CEMIP: variants seen among roughly 807,000 people sequenced by gnomAD.
CEMIP encodes cell migration-inducing and hyaluronan-binding protein.
In CEMIP, 105 loss-of-function variants were observed where a neutral mutation model predicts 156.9. The ratio of observed to expected loss-of-function variants is 0.67; its 90% CI spans 0.57 to 0.79. The LOEUF is 0.79. CEMIP is among the 30% of genes least tolerant of loss of function. The pLI is 0.00. For synonymous variants in CEMIP, 676 were observed against 668.4 expected, an observed-to-expected ratio of 1.01 and a Z score of -0.17; for missense variants, 1,457 against 1,769.4, an observed-to-expected ratio of 0.82 and a Z score of 3.17.
chr15:80,856,596 C>T (rs548513261), intron 1 of CEMIP, among the ~76,000 whole-genome samples: 3 of 152,208 alleles, frequency 2.0e-5, no homozygotes, highest in East Asian at 1.9e-4. Flanking sequence ...TTAGGGGTCC[C>T]GGAGCTCAGG....
At position 80,906,620 on chromosome 15, in the gene CEMIP, T is replaced by C. The variant is rs1479926244; in HGVS notation, c.1412-43T>C. The C allele has an allele frequency of 1.3e-6, 2 of 1,583,180 alleles. No individual in the cohort carries two copies. Among genetic ancestry groups the C allele is most frequent in the East Asian group, 2.2e-5 (1 of 44,558 alleles). The stretch of plus-strand genomic sequence containing the variant: ...GCAGGGGCCCAGAACTCAGTGGGCA[T>C]GCAGTACCTGCTGTTGTTTACCGTC... On this transcript the variant is annotated intron_variant, in intron 12 of 29. Coordinates refer to ENST00000394685, the MANE Select transcript of CEMIP (RefSeq NM_001293298.2). This position sits in a 1 kb window ranked among gnomAD's most constrained non-coding sequence, Gnocchi z 4.3.
intron 1 of CEMIP, among the ~76,000 whole-genome samples, chr15:80,796,502 T>G (rs1896229137): frequency 6.6e-6 from 1 of 152,194 alleles, no homozygotes; most frequent in Non-Finnish European, 1.5e-5. Context: ...CAGGGTATTC[T>G]GGATGAAATG....
chr15:80,809,532 A>G (rs899345962), intron 1 of CEMIP, among the ~76,000 whole-genome samples: 2 of 152,256 alleles, frequency 1.3e-5, no homozygotes, highest in South Asian at 2.1e-4. Context: ...GGTACTACAT[A>G]ACAAATTGCC....
intron 1 of CEMIP, among the ~76,000 whole-genome samples, chr15:80,859,988 T>C (rs1016265844): frequency 6.6e-6 from 1 of 151,904 alleles, no homozygotes; most frequent in Admixed American, 6.6e-5. Context: ...CTCTGCAGAG[T>C]ATTCTCCCTG....
intron 14 of CEMIP, among the ~76,000 whole-genome samples, chr15:80,915,421 A>G (rs952225637): frequency 1.3e-5 from 2 of 152,182 alleles, no homozygotes; most frequent in East Asian, 3.8e-4. Context: ...TCACTGTCAT[A>G]ATTTTCTAAC....
At chr15:80,807,140 G>C (rs1896532582) in intron 1 of CEMIP, among the ~76,000 whole-genome samples, 1 of 152,108 alleles carries the variant, frequency 6.6e-6, no homozygotes, top group African/African-American at 2.4e-5. Flanking sequence ...GGTGGGACTA[G>C]ACGTAGGATA....
chr15:80,824,964 G>T (rs1214308613), intron 1 of CEMIP, among the ~76,000 whole-genome samples: 1 of 152,184 alleles, frequency 6.6e-6, no homozygotes, highest in Non-Finnish European at 1.5e-5. Flanking sequence ...ATCAGATTGG[G>T]ATATATGAAG....
At chr15:80,938,402 C>T (rs989811258) in intron 25 of CEMIP, among the ~76,000 whole-genome samples, 6 of 152,066 alleles carry the variant, frequency 3.9e-5, no homozygotes, top group Non-Finnish European at 5.9e-5. Context: ...GTCAGGAGTT[C>T]GAGACCAGCC....
At chr15:80,820,066 G>A (rs531902802) in intron 1 of CEMIP, among the ~76,000 whole-genome samples, 5 of 152,286 alleles carry the variant, frequency 3.3e-5, no homozygotes, top group Admixed American at 6.5e-5. Context: ...TTTGATTCTC[G>A]GCTAAGGTCA....
At chr15:80,827,066 G>T (rs185138748) in intron 1 of CEMIP, among the ~76,000 whole-genome samples, 40 of 152,264 alleles carry the variant, frequency 2.6e-4, no homozygotes, top group African/African-American at 7.0e-4. Context: ...TTCACTCCAT[G>T]GTGCTGCTTC....
Position 80,880,886 on chromosome 15 carries a change from G to A in CEMIP, c.381-14G>A, listed in dbSNP as rs1567080824. The A allele has an allele frequency of 6.2e-7, 1 of 1,610,342 alleles. No individual in the cohort carries two copies. On this transcript the variant is annotated splice_polypyrimidine_tract_variant and intron_variant, in intron 5 of 29. Coordinates refer to ENST00000394685, the MANE Select transcript of CEMIP (RefSeq NM_001293298.2). ...ATGTGTCAGCCAACTCTGGGGAGCTGTTTTCTCTTGCAGGGCTGATGAAGG... is the reference window on the plus strand; with the variant it reads ...ATGTGTCAGCCAACTCTGGGGAGCTATTTTCTCTTGCAGGGCTGATGAAGG...
chr15:80,948,969 G>T lies in CEMIP; in HGVS notation c.*45G>T. On this transcript the variant is annotated 3_prime_UTR_variant, in exon 30 of 30. Coordinates refer to ENST00000394685, the MANE Select transcript of CEMIP (RefSeq NM_001293298.2). Reference sequence around the variant, plus strand: ...CCACCTCGTGGTAGACTATGACGGTGACTCTTGGCAGCAGACCAGTGGGGG... The same window carrying T: ...CCACCTCGTGGTAGACTATGACGGTTACTCTTGGCAGCAGACCAGTGGGGG... 6.2e-7 allele frequency: 1 copy of T among 1,613,130 alleles called. No homozygotes were observed. The highest frequency in any genetic ancestry group is 1.1e-5 in the South Asian group (1 of 91,016).
chr15:80,833,313 C>T lies in CEMIP; in HGVS notation c.-175-40225C>T, dbSNP rs575484955. 4.6e-5 allele frequency among the ~76,000 whole-genome samples: 7 copies of T among 152,228 alleles called. No individual in the cohort carries two copies. The East Asian group carries it at 5.8e-4, about 13-fold the overall frequency. ...AGTTTGCTGGGTCCCCTCCACCCAC[C>T]GAGATATTGCACCCAACCCCTGTAG... On this transcript the variant is annotated intron_variant, in intron 1 of 29. Coordinates refer to ENST00000394685, the MANE Select transcript of CEMIP (RefSeq NM_001293298.2).
chr15:80,905,989 G>A (rs1030277068), intron 12 of CEMIP, among the ~76,000 whole-genome samples: 7 of 152,184 alleles, frequency 4.6e-5, no homozygotes, highest in African/African-American at 1.7e-4. Context: ...GCTCCAATCT[G>A]GCTCTTTCTG....
At chr15:80,923,495 G>C (rs1900548720) in intron 17 of CEMIP, among the ~76,000 whole-genome samples, 1 of 152,130 alleles carries the variant, frequency 6.6e-6, no homozygotes, top group South Asian at 2.1e-4. Flanking sequence ...TGGAGAGGCT[G>C]GAAAGGGGAG....
chr15:80,813,498 G>T (rs933607448), intron 1 of CEMIP, among the ~76,000 whole-genome samples: 2 of 151,768 alleles, frequency 1.3e-5, no homozygotes, highest in African/African-American at 4.8e-5. Context: ...TACAGGTGCT[G>T]CCACACCCAG....
At chr15:80,810,808 C>G (rs931166801) in intron 1 of CEMIP, among the ~76,000 whole-genome samples, 1 of 2,104 alleles carries the variant, frequency 4.8e-4, no homozygotes, top group Non-Finnish European at 5.5e-3. Context: ...ATTCAACCAT[C>G]CATCCATCCA....
chr15:80,786,517 C>A (rs911398307), intron 1 of CEMIP, among the ~76,000 whole-genome samples: 2 of 151,066 alleles, frequency 1.3e-5, no homozygotes, highest in Non-Finnish European at 2.9e-5. Flanking sequence ...TGAGCCATTG[C>A]ACCCAGCCTG....
At chr15:80,842,864 T>A (rs1164301582) in intron 1 of CEMIP, among the ~76,000 whole-genome samples, 1 of 152,012 alleles carries the variant, frequency 6.6e-6, no homozygotes. Context: ...GAGGAAGAGA[T>A]GGATTCATGA....
Sources: gnomAD v4.1 joint callset for allele counts (sites outside exome capture counted in the v4.1 genomes callset) on GRCh38, gnomAD v4.1.1 for gene constraint, Gnocchi (gnomAD v3.1) non-coding constraint, MANE v1.5 for transcripts, NCBI Gene and HGNC (gene_info 2026-07-23, HGNC 2026-07-21) for gene names.